BCAS3: variants seen among roughly 807,000 people sequenced by gnomAD.
BCAS3 encodes the protein BCAS4/BCAS3 fusion.
Under a neutral mutation model 116.1 loss-of-function variants are expected in BCAS3, and 53 were observed. The ratio of observed to expected loss-of-function variants is 0.46; its 90% CI spans 0.37 to 0.57. The LOEUF (loss-of-function observed/expected upper bound fraction) is 0.57. Among genes scored for constraint, BCAS3 ranks in the 20% least tolerant of loss-of-function variants. The pLI, the probability that BCAS3 is intolerant of heterozygous loss-of-function variation, is 0.00. For missense variants in BCAS3, 917 were observed against 1,165.4 expected, an observed-to-expected ratio of 0.79 and a Z score of 3.10; for synonymous variants, 391 against 408.2, an observed-to-expected ratio of 0.96 and a Z score of 0.51.
chr17:61,246,792 AGTGTGTGTGTGTGTGTGT>A (rs61382195), intron 22 of BCAS3, among the ~76,000 whole-genome samples: 5 of 144,130 alleles, frequency 3.5e-5, no homozygotes, highest in African/African-American at 5.1e-5. Context: ...TTTGAGTGAG[AGTGTGTGTGTGTGTGTGT>A]GTGTGTGTGT....
At position 61,128,518 on chromosome 17, in the gene BCAS3, G is replaced by C; in HGVS notation, c.2425+43954G>C. ...TTAACAAGCAATGGACAAACCTTCC[G>C]TTCTTCTCTATCCCAAATCGTTTGA... On this transcript the variant is annotated intron_variant, in intron 22 of 23. Transcript: ENST00000407086. This position sits in a 1 kb window ranked among gnomAD's most constrained non-coding sequence, Gnocchi z 4.1. 2 of 985,292 alleles carry C rather than the reference G, an allele frequency of 2.0e-6. No individual in the cohort carries two copies. The highest frequency in any genetic ancestry group is 2.4e-6 in the Non-Finnish European group (2 of 829,856). The allele number at this position is 985,292 out of a possible 1,614,324, so 61.0% of individuals were successfully genotyped here.
chr17:60,823,144 T>C (rs1355226899), intron 7 of BCAS3, among the ~76,000 whole-genome samples: 1 of 152,116 alleles, frequency 6.6e-6, no homozygotes, highest in African/African-American at 2.4e-5. Flanking sequence ...AAACAAAAAG[T>C]TTTGCTTTGT....
intron 6 of BCAS3, among the ~76,000 whole-genome samples, chr17:60,788,164 G>A (rs2046444982): frequency 6.6e-6 from 1 of 152,092 alleles, no homozygotes; most frequent in Non-Finnish European, 1.5e-5. Context: ...CAATAATTTT[G>A]TTTACAATTT....
chr17:60,682,819 G>A (rs2033384213), intron 2 of BCAS3, among the ~76,000 whole-genome samples: 1 of 152,146 alleles, frequency 6.6e-6, no homozygotes, highest in African/African-American at 2.4e-5. Context: ...ACCACGCCTG[G>A]CCTAAAATAG....
chr17:60,839,977 T>A (rs577938644), intron 7 of BCAS3, among the ~76,000 whole-genome samples: 113 of 152,196 alleles, frequency 7.4e-4, no homozygotes, highest in African/African-American at 2.5e-3. Context: ...GGTATTAATG[T>A]TTAGAATTTT....
Position 61,309,033 on chromosome 17 carries a change from GT to G in BCAS3, c.2426-59293del, listed in dbSNP as rs2054085112. ...CAGCAGAGGCTTTGAGGACCTATCT[GT>G]CCCCTCCTCTGAGTGTCTTCAGCAT... is the stretch of plus-strand genomic sequence containing the variant. On this transcript the variant is annotated intron_variant, in intron 22 of 23. Transcript: ENST00000407086. The surrounding 1 kb of genome is among the most constrained non-coding windows in gnomAD (Gnocchi z 4.6). 6.6e-6 allele frequency among the ~76,000 whole-genome samples: 1 copy of G among 152,090 alleles called. No homozygotes were observed.
At chr17:61,192,129 C>T (rs1418199685) in intron 22 of BCAS3, among the ~76,000 whole-genome samples, 1 of 150,768 alleles carries the variant, frequency 6.6e-6, no homozygotes, top group Non-Finnish European at 1.5e-5. Context: ...GCCTGTAATC[C>T]CAGCTACTCA....
intron 5 of BCAS3, among the ~76,000 whole-genome samples, chr17:60,740,400 A>G (rs1161002429): frequency 1.3e-5 from 2 of 148,520 alleles, no homozygotes; most frequent in African/African-American, 5.0e-5. Flanking sequence ...TGAGAGGCTG[A>G]GGTGGGAGAA....
chr17:61,290,730 GA>G (rs559395741), intron 22 of BCAS3, among the ~76,000 whole-genome samples: 4,074 of 151,382 alleles, frequency 0.027, 90 homozygotes, highest in Middle Eastern at 0.08. Flanking sequence ...TAAGAGCCCA[GA>G]AAAAAAAGCC....
intron 6 of BCAS3, among the ~76,000 whole-genome samples, chr17:60,767,340 C>CTTT (rs779804407): frequency 1.6e-4 from 19 of 116,412 alleles, no homozygotes; most frequent in South Asian, 5.1e-4. Context: ...CTCAGAAGTC[C>CTTT]TTTTTTTTTT....
rs945836578 is a variant in BCAS3, at chr17:61,083,018, T to A, written c.2328-1449T>A. ...AACTTTTTATCTTCCATCAATAGCCTTTATGAACTCTATACTTCAGCCAAA... is the reference window on the plus strand; with the variant it reads ...AACTTTTTATCTTCCATCAATAGCCATTATGAACTCTATACTTCAGCCAAA... On this transcript the variant is annotated intron_variant, in intron 21 of 23. Coordinates refer to ENST00000407086, the MANE Select transcript of BCAS3 (RefSeq NM_017679.5). This position sits in a 1 kb window ranked among gnomAD's most constrained non-coding sequence, Gnocchi z 4.9. Among the ~76,000 whole-genome samples the A allele has an allele frequency of 6.6e-6, 1 of 152,220 alleles. No homozygotes were observed.
At position 60,951,764 on chromosome 17, in the gene BCAS3, C is replaced by CTTTTTTTTTTTTTT. The variant is rs769133578; in HGVS notation, c.1221+4421_1221+4434dup. Among the ~76,000 whole-genome samples, 286 of 109,496 alleles carry CTTTTTTTTTTTTTT rather than the reference C, an allele frequency of 2.6e-3. 2 individuals are homozygous for CTTTTTTTTTTTTTT. The highest frequency in any genetic ancestry group is 6.7e-3 in the Middle Eastern group (1 of 150). 71.8% of individuals were successfully genotyped at this position (109,496 alleles called of 152,430 possible). A position where few individuals can be genotyped will look rare whatever the true frequency, so the allele number is the denominator to read the frequency against. ...AGGGTCTTGGCATTTTCTTTTCTTT[C>CTTTTTTTTTTTTTT]TTTTTTTTTTTTTTTTTTTTTTCTT... On this transcript the variant is annotated intron_variant, in intron 14 of 23. Coordinates refer to ENST00000407086, the MANE Select transcript of BCAS3 (RefSeq NM_017679.5).
At chr17:60,839,451 T>C (rs752547228) in intron 7 of BCAS3, among the ~76,000 whole-genome samples, 3 of 152,210 alleles carry the variant, frequency 2.0e-5, no homozygotes, top group Admixed American at 6.5e-5. Flanking sequence ...ACTTACCCCT[T>C]TGTGCCTGGT....
At chr17:61,172,767 C>T (rs1248866918) in intron 22 of BCAS3, among the ~76,000 whole-genome samples, 2 of 151,158 alleles carry the variant, frequency 1.3e-5, no homozygotes, top group Middle Eastern at 3.4e-3. Flanking sequence ...GGGCGGATCA[C>T]GAGGTCCGGA....
chr17:61,388,435 C>A lies in BCAS3; in HGVS notation c.2594-3542C>A. 1.7e-6 allele frequency: 1 copy of A among 577,352 alleles called. No individual in the cohort carries two copies. 35.8% of individuals were successfully genotyped at this position (577,352 alleles called of 1,614,324 possible). A position where few individuals can be genotyped will look rare whatever the true frequency, so the allele number is the denominator to read the frequency against. On this transcript the variant is annotated intron_variant, in intron 23 of 23. Transcript: ENST00000407086. The surrounding 1 kb of genome is among the most constrained non-coding windows in gnomAD (Gnocchi z 6.5). ...AGATCCATCTCTGGGACCCCCAAGA[C>A]AGATTGGTCCCCAGCCCCTACACAT... is the stretch of plus-strand genomic sequence containing the variant.
chr17:60,917,611 T>G (rs978777170), intron 12 of BCAS3, among the ~76,000 whole-genome samples: 16 of 152,130 alleles, frequency 1.1e-4, no homozygotes, highest in Non-Finnish European at 2.4e-4. Flanking sequence ...TTTTTTTTAT[T>G]GAAATGGAGT....
At chr17:60,998,945 A>G (rs545285827) in intron 15 of BCAS3, among the ~76,000 whole-genome samples, 1 of 152,226 alleles carries the variant, frequency 6.6e-6, no homozygotes, top group African/African-American at 2.4e-5. Context: ...TTATAGTTTC[A>G]GGTCTTACAT....
At chr17:61,254,106 G>GA (rs1295711411) in intron 22 of BCAS3, among the ~76,000 whole-genome samples, 1 of 152,128 alleles carries the variant, frequency 6.6e-6, no homozygotes, top group African/African-American at 2.4e-5. Flanking sequence ...CAAGCCCGAG[G>GA]AAAAAACTCA....
intron 7 of BCAS3, chr17:60,851,622 G>C: frequency 1.5e-6 from 1 of 673,610 alleles, no homozygotes; most frequent in South Asian, 1.6e-5. Flanking sequence ...AGGGCAAAGG[G>C]GAGCAAAGGG....
Sources: gnomAD v4.1 joint callset for allele counts (sites outside exome capture counted in the v4.1 genomes callset) on GRCh38, gnomAD v4.1.1 for gene constraint, Gnocchi (gnomAD v3.1) non-coding constraint, MANE v1.5 for transcripts, NCBI Gene and HGNC (gene_info 2026-07-23, HGNC 2026-07-21) for gene names.